IGF2R: variants seen among roughly 807,000 people sequenced by gnomAD.
IGF2R encodes cation-independent mannose-6-phosphate receptor.
In IGF2R, 91 loss-of-function variants were observed where a neutral mutation model predicts 270.6. That is an observed-to-expected ratio of 0.34 (90% confidence interval 0.28 to 0.40). IGF2R has a LOEUF of 0.40. Among genes scored for constraint, IGF2R ranks in the 10% least tolerant of loss-of-function variants. The pLI, the probability that IGF2R is intolerant of heterozygous loss-of-function variation, is 1.00. For missense variants in IGF2R, 2,805 were observed against 3,188.3 expected, an observed-to-expected ratio of 0.88 and a Z score of 2.90; for synonymous variants, 1,316 against 1,258.9, an observed-to-expected ratio of 1.05 and a Z score of -0.96.
intron 45 of IGF2R, among the ~76,000 whole-genome samples, chr6:160,097,056 C>CACTTTGATTTGAGTGCAGTATTTTT (rs898029544): frequency 6.6e-6 from 1 of 152,214 alleles, no homozygotes; most frequent in Non-Finnish European, 1.5e-5. Context: ...GGTAAAGTTT[C>CACTTTGATTTGAGTGCAGTATTTTT]ACTTTGATTT....
chr6:160,035,002 C>T (rs778525289), intron 10 of IGF2R, among the ~76,000 whole-genome samples: 3 of 152,114 alleles, frequency 2.0e-5, no homozygotes, highest in East Asian at 3.9e-4. Context: ...AAGCTGAAGG[C>T]GTGCATTTCT....
chr6:160,068,955 A>C (rs1454837146), intron 30 of IGF2R, among the ~76,000 whole-genome samples: 1 of 152,190 alleles, frequency 6.6e-6, no homozygotes, highest in Non-Finnish European at 1.5e-5. Context: ...TGCTGGGAAC[A>C]TGATAACCCT....
chr6:160,034,362 C>A, intron 9 of IGF2R, 57 bp from the exon 10 acceptor site: 2 of 1,127,958 alleles, frequency 1.8e-6, no homozygotes, highest in Non-Finnish European at 1.3e-6. Context: ...TAAAAAGATT[C>A]AAGTTTTTTT....
intron 19 of IGF2R, among the ~76,000 whole-genome samples, chr6:160,052,742 C>A (rs912108295): frequency 6.6e-6 from 1 of 152,128 alleles, no homozygotes; most frequent in Non-Finnish European, 1.5e-5. Flanking sequence ...GATATATAGA[C>A]CAATGGAACC....
At chr6:160,003,218 A>G (rs1233884092) in intron 2 of IGF2R, 1 of 152,224 alleles carries the variant, frequency 6.6e-6, no homozygotes, top group Admixed American at 6.5e-5. Context: ...ATTGGATTGT[A>G]TCTTTCATCT....
chr6:160,072,596 C>T (rs1778766525), intron 32 of IGF2R, among the ~76,000 whole-genome samples, 169 bp from the exon 33 acceptor site: 1 of 152,208 alleles, frequency 6.6e-6, no homozygotes, highest in African/African-American at 2.4e-5. Flanking sequence ...AAGGGACTGA[C>T]AGTCTCATGA....
In IGF2R at chr6:160,109,575, G is replaced by A. The variant is rs778493326; in HGVS notation, c.*4491G>A. On this transcript the variant is annotated 3_prime_UTR_variant, in exon 48 of 48. Coordinates refer to ENST00000356956, the MANE Select transcript of IGF2R (RefSeq NM_000876.4). ...CATCAGAACCACAATATGTGGGGAC[G>A]GTACTGCCAGCTAAGCCTTAGTGCT... The A allele has an allele frequency of 2.0e-5, 3 of 152,146 alleles. No homozygotes were observed. Among genetic ancestry groups the A allele is most frequent in the Non-Finnish European group, 2.9e-5 (2 of 68,014 alleles). The allele number at this position is 152,146 out of a possible 1,614,324, so 9.4% of individuals were successfully genotyped here.
chr6:159,974,590 C>G (rs1783660469), intron 1 of IGF2R, among the ~76,000 whole-genome samples: 1 of 152,140 alleles, frequency 6.6e-6, no homozygotes, highest in Non-Finnish European at 1.5e-5. Flanking sequence ...GAGAAATCAA[C>G]CTTAAAACTA....
chr6:160,008,368 T>C (rs978117706), intron 2 of IGF2R, among the ~76,000 whole-genome samples: 5 of 152,246 alleles, frequency 3.3e-5, no homozygotes, highest in Non-Finnish European at 5.9e-5. Context: ...TTTGTGTCTC[T>C]GTGCTCTCTC....
At chr6:160,077,719 C>T (rs1485596647) in intron 36 of IGF2R, among the ~76,000 whole-genome samples, 1 of 152,210 alleles carries the variant, frequency 6.6e-6, no homozygotes, top group Non-Finnish European at 1.5e-5. Flanking sequence ...AGAGCTGCCT[C>T]ATCTTTTTTT....
chr6:160,038,447 T>C (rs1777871864), intron 10 of IGF2R, among the ~76,000 whole-genome samples: 1 of 152,254 alleles, frequency 6.6e-6, no homozygotes, highest in Non-Finnish European at 1.5e-5. Context: ...CAAAATGGAC[T>C]CTGCCTGCAG....
At chr6:160,074,002 G>A (rs1223667772) in intron 35 of IGF2R, 27 bp downstream of exon 35, 11 of 1,542,786 alleles carry the variant, frequency 7.1e-6, no homozygotes, top group Non-Finnish European at 9.8e-6. Flanking sequence ...CAAGGGTGGA[G>A]ATAATTTTTG....
At chr6:160,044,733 A>G (rs1778031314) in intron 13 of IGF2R, 76 bp downstream of exon 13, 3 of 1,159,564 alleles carry the variant, frequency 2.6e-6, no homozygotes, top group African/African-American at 1.6e-5. Context: ...TCTGTTCCTC[A>G]TCAGTCACTG....
chr6:160,103,736 T>C lies in IGF2R; in HGVS notation c.6996-10T>C, dbSNP rs1251423852. The C allele has an allele frequency of 6.2e-7, 1 of 1,604,706 alleles. No homozygotes were observed. The highest frequency in any genetic ancestry group is 1.7e-5 in the Admixed American group (1 of 60,000). ...CACTGGAGTAATTATTGTCTCCTTT[T>C]TTTTTATAGGGAAACAGTGATAAGT... On this transcript the variant is annotated splice_polypyrimidine_tract_variant and intron_variant, in intron 46 of 47. Coordinates refer to ENST00000356956, the MANE Select transcript of IGF2R (RefSeq NM_000876.4).
In IGF2R at chr6:160,080,419, A is replaced by G. The variant is rs1002382356; in HGVS notation, c.5833+144A>G. 4 of 843,492 alleles carry G rather than the reference A, an allele frequency of 4.7e-6. No individual in the cohort carries two copies. In the African/African-American group the frequency reaches 6.8e-5, roughly 14 times the overall value. 52.3% of individuals were successfully genotyped at this position (843,492 alleles called of 1,614,324 possible). A position where few individuals can be genotyped will look rare whatever the true frequency, so the allele number is the denominator to read the frequency against. On this transcript the variant is annotated intron_variant, in intron 39 of 47. Coordinates refer to ENST00000356956, the MANE Select transcript of IGF2R (RefSeq NM_000876.4). ...TATTTTCTTACTCGGGCTGTTTCCC[A>G]CAGAGAAACGTTTGAATTGCTCTGT...
Position 160,073,939 on chromosome 6 carries a change from C to A in IGF2R, c.5130C>A (p.Ala1710=). 1 of 1,613,876 alleles carries A rather than the reference C, an allele frequency of 6.2e-7. No individual in the cohort carries two copies. The highest frequency in any genetic ancestry group is 1.3e-5 in the African/African-American group (1 of 75,040). The change falls in exon 35 of 48, where the codon GCC becomes GCA. Residue 1710 remains alanine, a synonymous_variant. Coordinates refer to ENST00000356956, the MANE Select transcript of IGF2R (RefSeq NM_000876.4). ...PMHGVPCPAG[A]AVCKVPIDGP... ...ACGGAGTGCCCTGTCCTGCCGGAGC[C>A]GCTGTGTGCAAAGTTCCTATTGATG...
chr6:160,059,045 T>A lies in IGF2R; in HGVS notation c.3038T>A (p.Leu1013Gln), dbSNP rs771478146. 6.2e-7 allele frequency: 1 copy of A among 1,614,260 alleles called. No homozygotes were observed. Among genetic ancestry groups the A allele is most frequent in the Non-Finnish European group, 8.5e-7 (1 of 1,180,044 alleles). Residue 1013 changes from leucine (L) to glutamine (Q), a missense_variant, in exon 22 of 48, where the codon CTG becomes CAG. Leu to Gln is a moderately radical substitution (Grantham distance 113, BLOSUM62 -2). This residue lies in a region of IGF2R where 1,851 missense variants were observed against 2,207.2 expected (regional missense o/e 0.84). Coordinates refer to ENST00000356956, the MANE Select transcript of IGF2R (RefSeq NM_000876.4). Reference sequence around the variant, plus strand: ...GTCGGAATTGAGAAAAGCCTCCAGCTGTCCACAGAGGGCTTCATCACTCTG... The same window carrying A: ...GTCGGAATTGAGAAAAGCCTCCAGCAGTCCACAGAGGGCTTCATCACTCTG... ...RPVGIEKSLQ[L>Q]STEGFITLTY...
intron 10 of IGF2R, among the ~76,000 whole-genome samples, chr6:160,035,079 A>C (rs986072934): frequency 1.3e-5 from 2 of 152,178 alleles, no homozygotes; most frequent in Admixed American, 6.5e-5. Context: ...GCCGCTGTCC[A>C]TATCTTGACG....
At chr6:160,021,489 T>C (rs1002732183) in intron 4 of IGF2R, among the ~76,000 whole-genome samples, 10 of 149,718 alleles carry the variant, frequency 6.7e-5, no homozygotes, top group Non-Finnish European at 1.0e-4. Context: ...ATATACCTAA[T>C]GCTAAATGAC....
Sources: allele counts gnomAD v4.1 joint callset (sites outside exome capture counted in the v4.1 genomes callset), GRCh38; gene constraint gnomAD v4.1.1; regional missense constraint gnomAD v4.1.1; transcripts MANE v1.5; gene names NCBI Gene and HGNC (gene_info 2026-07-23, HGNC 2026-07-21).